Variants in BLVRA observed in about 807,000 individuals in gnomAD.
The protein encoded by BLVRA is BVR A.
Under a neutral mutation model 32.8 loss-of-function variants are expected in BLVRA, and 22 were observed. The observed-to-expected ratio is 0.67, with a 90% CI of 0.48 to 0.96. The LOEUF is 0.96. Among genes scored for constraint, BLVRA ranks in the 40% least tolerant of loss-of-function variants. The probability of loss-of-function intolerance (pLI) is 0.00; values close to 1 mark genes in which losing one functional copy is unlikely to be tolerated. For missense variants in BLVRA, 323 were observed against 358.1 expected (o/e 0.90, Z 0.79); for synonymous variants, 119 against 141.3 (o/e 0.84, Z 1.12).
At chr7:43,765,541 C>T (rs899132128) in intron 1 of BLVRA, among the ~76,000 whole-genome samples, 1 of 152,202 alleles carries the variant, frequency 6.6e-6, no homozygotes, top group African/African-American at 2.4e-5. Flanking sequence ...CGTGAGCCTC[C>T]ACACCCGGCC....
At chr7:43,796,288 A>G (rs963587476) in intron 5 of BLVRA, among the ~76,000 whole-genome samples, 4 of 152,224 alleles carry the variant, frequency 2.6e-5, no homozygotes, top group African/African-American at 9.6e-5. Context: ...CAATCGGATA[A>G]TCTAGAAAGG....
At chr7:43,795,873 A>G (rs1483991063) in intron 5 of BLVRA, among the ~76,000 whole-genome samples, 11 of 152,148 alleles carry the variant, frequency 7.2e-5, no homozygotes, top group Admixed American at 6.5e-4. Flanking sequence ...TGGGAGGCCA[A>G]GGAGGACAGA....
intron 2 of BLVRA, among the ~76,000 whole-genome samples, chr7:43,778,824 G>T (rs1371438971): frequency 1.3e-5 from 2 of 152,250 alleles, no homozygotes; most frequent in African/African-American, 2.4e-5. Flanking sequence ...GAGCTTCCCG[G>T]CTGCTTTGTT....
chr7:43,806,641 G>T (rs1158906401), intron 7 of BLVRA, among the ~76,000 whole-genome samples: 1 of 152,118 alleles, frequency 6.6e-6, no homozygotes, highest in Non-Finnish European at 1.5e-5. Flanking sequence ...CCAGCTACTT[G>T]GGAGGCTGAG....
chr7:43,777,649 T>C (rs1470353748), intron 2 of BLVRA, among the ~76,000 whole-genome samples: 2 of 152,200 alleles, frequency 1.3e-5, no homozygotes, highest in African/African-American at 4.8e-5. Flanking sequence ...AGGAGTATCT[T>C]TGTGGTGTTC....
intron 1 of BLVRA, among the ~76,000 whole-genome samples, chr7:43,762,698 G>A (rs905590892): frequency 2.9e-5 from 4 of 138,136 alleles, no homozygotes; most frequent in Non-Finnish European, 6.1e-5. Flanking sequence ...TGCAACCTCC[G>A]CCTCCCAGGT....
chr7:43,770,331 T>G (rs2095753135), intron 1 of BLVRA, among the ~76,000 whole-genome samples: 1 of 152,204 alleles, frequency 6.6e-6, no homozygotes, highest in South Asian at 2.1e-4. Context: ...AAAATTAATC[T>G]TTACAGGCCT....
intron 5 of BLVRA, 27 bp from the exon 6 acceptor site, chr7:43,800,438 C>T (rs372891226): frequency 8.7e-6 from 14 of 1,607,892 alleles, no homozygotes; most frequent in Non-Finnish European, 1.2e-5. Context: ...GACGACTGCC[C>T]TTTTTATTCC....
chr7:43,788,066 C>G, intron 3 of BLVRA, 41 bp downstream of exon 3: 1 of 1,614,084 alleles, frequency 6.2e-7, no homozygotes, highest in Non-Finnish European at 8.5e-7. Context: ...TCATGGAAAG[C>G]CCAGTGAGGC....
intron 7 of BLVRA, among the ~76,000 whole-genome samples, chr7:43,805,271 A>ACT (rs747771880): frequency 1.5e-5 from 2 of 130,074 alleles, no homozygotes; most frequent in East Asian, 2.2e-4. Context: ...GCAGAGGCTG[A>ACT]CTCTCTCTCT....
At chr7:43,777,935 T>A (rs555903165) in intron 2 of BLVRA, among the ~76,000 whole-genome samples, 1 of 152,254 alleles carries the variant, frequency 6.6e-6, no homozygotes, top group Non-Finnish European at 1.5e-5. Context: ...TTGATCGCAT[T>A]GGCTCCTGAG....
At position 43,787,286 on chromosome 7, in the gene BLVRA, G is replaced by T. The variant is rs1563544978; in HGVS notation, c.13-618G>T. Reference sequence around the variant, plus strand: ...TGCTGTATAACTTAAAAGTCAGTTTGATTTTTCACTGTAATACTGTTCACA... The same window carrying T: ...TGCTGTATAACTTAAAAGTCAGTTTTATTTTTCACTGTAATACTGTTCACA... On this transcript the variant is annotated intron_variant, in intron 2 of 7. Coordinates refer to ENST00000265523, the MANE Select transcript of BLVRA (RefSeq NM_000712.4). The surrounding 1 kb of genome is among the most constrained non-coding windows in gnomAD (Gnocchi z 4.5). Among the ~76,000 whole-genome samples, 1 of 152,144 alleles carries T rather than the reference G, an allele frequency of 6.6e-6. No homozygotes were observed. The highest frequency in any genetic ancestry group is 1.5e-5 in the Non-Finnish European group (1 of 68,032).
chr7:43,775,187 G>A lies in BLVRA; in HGVS notation c.12+4017G>A, dbSNP rs1445059971. Among the ~76,000 whole-genome samples, 3 of 152,056 alleles carry A rather than the reference G, an allele frequency of 2.0e-5. No homozygotes were observed. The South Asian group carries it at 6.2e-4, about 32-fold the overall frequency. On this transcript the variant is annotated intron_variant, in intron 2 of 7. Transcript: ENST00000265523. ...ACTTCCAACACTATGTTGAATAGGA[G>A]TGGTGAGAGAGGGCATCCCTGTCTT...
At chr7:43,801,738 G>A (rs779855071) in intron 6 of BLVRA, among the ~76,000 whole-genome samples, 24 of 152,218 alleles carry the variant, frequency 1.6e-4, no homozygotes, top group Non-Finnish European at 2.8e-4. Context: ...TCAGAGGCAT[G>A]AGTGGCTTCA....
upstream of BLVRA, among the ~76,000 whole-genome samples, chr7:43,758,337 C>T (rs975774049): frequency 6.3e-5 from 7 of 110,578 alleles, no homozygotes; most frequent in Non-Finnish European, 1.7e-4. Context: ...GCCTGCCCCC[C>T]CCACGCCGGG....
At chr7:43,773,022 C>A (rs2095756328) in intron 2 of BLVRA, among the ~76,000 whole-genome samples, 1 of 152,180 alleles carries the variant, frequency 6.6e-6, no homozygotes, top group Non-Finnish European at 1.5e-5. Flanking sequence ...GCATCATTAA[C>A]CTAATTCCCA....
chr7:43,766,557 C>T (rs1406801064), intron 1 of BLVRA, among the ~76,000 whole-genome samples: 1 of 152,074 alleles, frequency 6.6e-6, no homozygotes, highest in Non-Finnish European at 1.5e-5. Context: ...TGATTCTGTT[C>T]AGAGTTTAAC....
At chr7:43,771,309 C>T (rs569145898) in intron 2 of BLVRA, 139 bp downstream of exon 2, 41 of 1,033,264 alleles carry the variant, frequency 4.0e-5, no homozygotes, top group Non-Finnish European at 4.8e-5. Flanking sequence ...CTGAAGTGCA[C>T]GTGGTTCTGG....
chr7:43,772,924 A>G (rs1006093296), intron 2 of BLVRA, among the ~76,000 whole-genome samples: 1 of 152,184 alleles, frequency 6.6e-6, no homozygotes, highest in African/African-American at 2.4e-5. Flanking sequence ...CATATCACCT[A>G]GTGACGGTAT....
Sources: gnomAD v4.1 joint callset for allele counts (sites outside exome capture counted in the v4.1 genomes callset) on GRCh38, gnomAD v4.1.1 for gene constraint, Gnocchi (gnomAD v3.1) non-coding constraint, MANE v1.5 for transcripts, NCBI Gene and HGNC (gene_info 2026-07-23, HGNC 2026-07-21) for gene names.